The following DOP1A variants were observed in gnomAD, a reference collection of about 807,000 sequenced individuals.
DOP1A encodes the protein DOP1 leucine zipper like protein A.
In DOP1A, 90 loss-of-function variants were observed where a neutral mutation model predicts 267.6. The ratio of observed to expected loss-of-function variants is 0.34; its 90% CI spans 0.28 to 0.40. The LOEUF (loss-of-function observed/expected upper bound fraction) is 0.40, where lower values mean the gene tolerates loss of function less well. DOP1A is among the 10% of genes least tolerant of loss of function. DOP1A has a pLI of 1.00. For missense variants in DOP1A, 2,437 were observed against 2,900.4 expected (o/e 0.84, Z 3.67); for synonymous variants, 932 against 999.1 (o/e 0.93, Z 1.27).
chr6:83,083,213 A>C (rs1400969861), intron 1 of DOP1A, among the ~76,000 whole-genome samples: 4 of 152,158 alleles, frequency 2.6e-5, no homozygotes, highest in African/African-American at 9.7e-5. Context: ...TGAGTGGTGA[A>C]CCACTTGGGG....
intron 38 of DOP1A, 162 bp from the exon 39 acceptor site, chr6:83,167,700 G>A: frequency 1.4e-6 from 2 of 1,389,180 alleles, no homozygotes; most frequent in East Asian, 5.2e-5. Flanking sequence ...GGCAGTAAAA[G>A]GTCTCAGAAG....
rs1582933797 is a variant in DOP1A at position 83,100,726 on chromosome 6, T to C, written c.160T>C (p.Tyr54His). 1 of 1,520,594 alleles carries C rather than the reference T, an allele frequency of 6.6e-7. No individual in the cohort carries two copies. 94.2% of individuals were successfully genotyped at this position (1,520,594 alleles called of 1,614,324 possible). A position where few individuals can be genotyped will look rare whatever the true frequency, so the allele number is the denominator to read the frequency against. ...LNKVLQNNAK[Y>H]QVVPKKLTIG... Reference sequence around the variant, plus strand: ...CAAGGTTTTACAAAATAATGCAAAGTACCAAGTAGTACCCAAAAAGCTGAC... The same window carrying C: ...CAAGGTTTTACAAAATAATGCAAAGCACCAAGTAGTACCCAAAAAGCTGAC... Residue 54 changes from tyrosine to histidine, a missense_variant, in exon 4 of 39, where the codon TAC becomes CAC. Tyr to His is a moderately conservative substitution (Grantham distance 83). Transcript: ENST00000349129.
chr6:83,168,736 C>G, downstream of DOP1A: 1 of 997,538 alleles, frequency 1.0e-6, no homozygotes, highest in Non-Finnish European at 1.2e-6. Flanking sequence ...CTCTGAGTTC[C>G]TGATGGCATT....
chr6:83,170,249 T>C, downstream of DOP1A: 1 of 1,499,432 alleles, frequency 6.7e-7, no homozygotes, highest in Non-Finnish European at 9.2e-7. Flanking sequence ...TTAAAATAGT[T>C]TGCCTGCCCA....
intron 1 of DOP1A, among the ~76,000 whole-genome samples, chr6:83,085,774 G>GTATTT (rs1168878086): frequency 7.6e-6 from 1 of 132,426 alleles, no homozygotes; most frequent in Non-Finnish European, 1.7e-5. Flanking sequence ...GTTTTTTGCG[G>GTATTT]TATTTTATGT....
At chr6:83,121,501 TAGC>T (rs1776376322) in intron 10 of DOP1A, among the ~76,000 whole-genome samples, 1 of 151,772 alleles carries the variant, frequency 6.6e-6, no homozygotes, top group African/African-American at 2.4e-5. Flanking sequence ...TTTAAATTAA[TAGC>T]AGTAATTACA....
intron 19 of DOP1A, 114 bp from the exon 20 acceptor site, chr6:83,135,505 T>C (rs907093549): frequency 9.0e-7 from 1 of 1,111,870 alleles, no homozygotes; most frequent in Non-Finnish European, 1.3e-6. Flanking sequence ...TCCTGAAGTA[T>C]GACTACTTCA....
At chr6:83,077,524 T>A (rs542022763) in intron 1 of DOP1A, among the ~76,000 whole-genome samples, 19 of 151,708 alleles carry the variant, frequency 1.3e-4, no homozygotes, top group African/African-American at 4.4e-4. Flanking sequence ...TTTTTTTTTT[T>A]AATTAGCTAG....
chr6:83,139,040 T>C lies in DOP1A; in HGVS notation c.4998T>C (p.Ser1666=), dbSNP rs773739739. Residue 1666 remains serine (S), a synonymous_variant, in exon 21 of 39, where the codon TCT becomes TCC. Transcript: ENST00000349129. ...MHPQWIGLIT[S]TLPYMGKVLQ... ...CACAATGGATTGGTTTAATCACATC[T>C]ACTCTGCCTTACATGGGAAAAGTTC... 5.0e-6 allele frequency: 8 copies of C among 1,614,002 alleles called. No individual in the cohort carries two copies. Among genetic ancestry groups the C allele is most frequent in the Non-Finnish European group, 6.8e-6 (8 of 1,179,952 alleles).
chr6:83,143,711 A>G (rs1222010487), intron 24 of DOP1A, among the ~76,000 whole-genome samples: 3 of 152,208 alleles, frequency 2.0e-5, no homozygotes, highest in Non-Finnish European at 4.4e-5. Flanking sequence ...ATACAAATTT[A>G]AAGATACGGA....
intron 3 of DOP1A, among the ~76,000 whole-genome samples, chr6:83,099,033 G>A (rs1429329106): frequency 1.3e-5 from 2 of 152,040 alleles, no homozygotes; most frequent in Non-Finnish European, 2.9e-5. Context: ...GAAGATTCCT[G>A]CCTTAGGGAG....
At position 83,137,787 on chromosome 6, in the gene DOP1A, C is replaced by T; in HGVS notation, c.3745C>T (p.His1249Tyr). 6.2e-7 allele frequency: 1 copy of T among 1,613,852 alleles called. No individual in the cohort carries two copies. Among genetic ancestry groups the T allele is most frequent in the Non-Finnish European group, 8.5e-7 (1 of 1,179,872 alleles). ...TATTTCAGGAACCACACACACTCTT[C>T]ATGACTCTTCTGTTGCTTCCATAGA... ...PCISGTTHTL[H>Y]DSSVASIETK... The change falls in exon 21 of 39, where the codon CAT (histidine) becomes TAT (tyrosine). Residue 1249 changes from histidine (H) to tyrosine (Y), a missense_variant. Transcript: ENST00000349129.
rs1270424588 is a variant in DOP1A at position 83,096,777 on chromosome 6, C to G, written c.-100C>G. ...TCTTTCAGGCTGTCTTTGAATACTT[C>G]CATGACCCTGAACACTAGCTGAGGA... On this transcript the variant is annotated 5_prime_UTR_variant, in exon 2 of 39. Coordinates refer to ENST00000349129, the MANE Select transcript of DOP1A (RefSeq NM_015018.4). 6.2e-6 allele frequency: 3 copies of G among 481,564 alleles called. No individual in the cohort carries two copies. The East Asian group carries it at 9.2e-5, about 15-fold the overall frequency. 29.8% of individuals were successfully genotyped at this position (481,564 alleles called of 1,614,324 possible).
chr6:83,126,397 CG>C (rs1777158166), intron 15 of DOP1A, among the ~76,000 whole-genome samples: 1 of 151,938 alleles, frequency 6.6e-6, no homozygotes, highest in South Asian at 2.1e-4. Context: ...GGGGTTTCAC[CG>C]GGGACCCGTC....
At chr6:83,151,247 T>C (rs559135869) in intron 27 of DOP1A, among the ~76,000 whole-genome samples, 1 of 152,300 alleles carries the variant, frequency 6.6e-6, no homozygotes, top group Admixed American at 6.5e-5. Context: ...ACTGCAGCCT[T>C]GGCCTCAAGC....
rs1413850180 is a variant in DOP1A, at chr6:83,168,091, C to T, written c.7322C>T (p.Pro2441Leu). 1 of 1,614,018 alleles carries T rather than the reference C, an allele frequency of 6.2e-7. No individual in the cohort carries two copies. Among genetic ancestry groups the T allele is most frequent in the African/African-American group, 1.3e-5 (1 of 74,914 alleles). The change falls in exon 39 of 39, where the codon CCA becomes CTA. Residue 2441 changes from proline to leucine, a missense_variant. By Grantham distance (98) the Pro-to-Leu change is moderately conservative. Coordinates refer to ENST00000349129, the MANE Select transcript of DOP1A (RefSeq NM_015018.4). Reference protein sequence around the residue: ...NKDMKLENHKPCSSKARQKIE... With the variant: ...NKDMKLENHKLCSSKARQKIE... ...GACATGAAACTGGAGAACCACAAAC[C>T]ATGTTCCAGCAAAGCCAGGCAAAAA...
rs1777615038 is a variant in DOP1A at position 83,128,930 on chromosome 6, A to G, written c.1763A>G (p.Asp588Gly). 2.6e-6 allele frequency: 4 copies of G among 1,554,360 alleles called. No individual in the cohort carries two copies. Among genetic ancestry groups the G allele is most frequent in the South Asian group, 1.2e-5 (1 of 80,452 alleles). ...GAAAATCCTACTGAAGTGTTTGAAG[A>G]TGGAGAAAATCCACCAAGTAGTCGA... ...SHENPTEVFE[D>G]GENPPSSRSS... The change falls in exon 16 of 39, where the codon GAT (aspartate) becomes GGT (glycine). Residue 588 changes from aspartate (D) to glycine (G), a missense_variant. Coordinates refer to ENST00000349129, the MANE Select transcript of DOP1A (RefSeq NM_015018.4).
chr6:83,109,165 C>G (rs111696143), intron 5 of DOP1A, 85 bp downstream of exon 5: 3 of 1,226,400 alleles, frequency 2.4e-6, no homozygotes, highest in Middle Eastern at 1.9e-4. Context: ...TTTAACATCA[C>G]AAATGAATTA....
At position 83,157,422 on chromosome 6, in the gene DOP1A, C is replaced by G. The variant is rs1049247440; in HGVS notation, c.6741+104C>G. 3.2e-6 allele frequency: 4 copies of G among 1,247,788 alleles called. No homozygotes were observed. In the Admixed American group the frequency reaches 8.2e-5, roughly 25 times the overall value. The allele number at this position is 1,247,788 out of a possible 1,614,324, so 77.3% of individuals were successfully genotyped here. ...TAACGAATATTGGGAGAGAACTGAGCTGTAGTTAAACCAGTTACTGATGCT... is the reference window on the plus strand; with the variant it reads ...TAACGAATATTGGGAGAGAACTGAGGTGTAGTTAAACCAGTTACTGATGCT... On this transcript the variant is annotated intron_variant, in intron 35 of 38. Coordinates refer to ENST00000349129, the MANE Select transcript of DOP1A (RefSeq NM_015018.4).
Sources: allele counts gnomAD v4.1 joint callset (sites outside exome capture counted in the v4.1 genomes callset), GRCh38; gene constraint gnomAD v4.1.1; transcripts MANE v1.5; gene names NCBI Gene and HGNC (gene_info 2026-07-23, HGNC 2026-07-21).